The following EIF2AK1 variants were observed in gnomAD, a reference collection of about 807,000 sequenced individuals.
The protein encoded by EIF2AK1 is eukaryotic translation initiation factor 2 alpha kinase 1, also known as eukaryotic translation initiation factor 2-alpha kinase 1.
EIF2AK1 carries 54 observed loss-of-function variants against 77.9 expected under a neutral mutation model. The observed-to-expected ratio is 0.69, with a 90% CI of 0.56 to 0.87. The LOEUF (loss-of-function observed/expected upper bound fraction) is 0.87. Ranked by LOEUF, EIF2AK1 falls within the 40% of genes least tolerant of loss-of-function variation. The pLI, the probability that EIF2AK1 is intolerant of heterozygous loss-of-function variation, is 0.00. For missense variants in EIF2AK1, 810 were observed against 768.6 expected, an observed-to-expected ratio of 1.05 and a Z score of -0.64; for synonymous variants, 314 against 290.5, an observed-to-expected ratio of 1.08 and a Z score of -0.82.
chr7:6,038,790 T>C (rs1190076982), intron 9 of EIF2AK1, 119 bp from the exon 10 acceptor site: 7 of 758,996 alleles, frequency 9.2e-6, no homozygotes, highest in African/African-American at 1.8e-5. Context: ...AGGGAAGTCA[T>C]TAAACCTGTG....
chr7:6,035,587 GTGCGCA>G lies in EIF2AK1; in HGVS notation c.1332+1831_1332+1836del. 5 of 1,551,118 alleles carry G rather than the reference GTGCGCA, an allele frequency of 3.2e-6. No individual in the cohort carries two copies. The highest frequency in any genetic ancestry group is 4.4e-6 in the Non-Finnish European group (5 of 1,147,112). On this transcript the variant is annotated intron_variant, in intron 11 of 14. Transcript: ENST00000199389. The surrounding 1 kb of genome is among the most constrained non-coding windows in gnomAD (Gnocchi z 5.5). Reference sequence around the variant, plus strand: ...AGCATCACATGTCTCCGCATCTTGTGTGCGCACGGAGCTCAAGTGAACACTCAAGGG... The same window carrying G: ...AGCATCACATGTCTCCGCATCTTGTGCGGAGCTCAAGTGAACACTCAAGGG...
rs1011221783 is a variant in EIF2AK1, at chr7:6,035,828, C to G, written c.1332+1596G>C. 1.9e-5 allele frequency: 29 copies of G among 1,549,164 alleles called. No individual in the cohort carries two copies. The Admixed American group carries it at 5.7e-4, about 30-fold the overall frequency. The stretch of plus-strand genomic sequence containing the variant: ...CAAACGTCAACTGTGCTGTCTCTTC[C>G]ACGGGGAACACGCCCCTGAAGCTTG... On this transcript the variant is annotated intron_variant, in intron 11 of 14. Transcript: ENST00000199389. This position sits in a 1 kb window ranked among gnomAD's most constrained non-coding sequence, Gnocchi z 5.5.
rs531357401 is a variant in EIF2AK1 at position 6,032,283 on chromosome 7, CA to C, written c.1333-3252del. Among the ~76,000 whole-genome samples, 1 of 152,288 alleles carries C rather than the reference CA, an allele frequency of 6.6e-6. No homozygotes were observed. Among genetic ancestry groups the C allele is most frequent in the South Asian group, 2.1e-4 (1 of 4,832 alleles). On this transcript the variant is annotated intron_variant, in intron 11 of 14. Coordinates refer to ENST00000199389, the MANE Select transcript of EIF2AK1 (RefSeq NM_014413.4). This position sits in a 1 kb window ranked among gnomAD's most constrained non-coding sequence, Gnocchi z 4.3. ...TTACAATTAAATTCAAAAAGGAAGTCACCCTCCCTTGTACCCTACTGTCTTA... is the reference window on the plus strand; with the variant it reads ...TTACAATTAAATTCAAAAAGGAAGTCCCCTCCCTTGTACCCTACTGTCTTA...
intron 11 of EIF2AK1, chr7:6,031,731 C>T: frequency 1.2e-6 from 1 of 818,598 alleles, no homozygotes; most frequent in South Asian, 1.7e-5. Flanking sequence ...ACACACACTG[C>T]AGTGCTCCCC....
At chr7:6,055,982 CAAAAAA>C (rs755531680) in intron 1 of EIF2AK1, among the ~76,000 whole-genome samples, 1 of 23,984 alleles carries the variant, frequency 4.2e-5, no homozygotes, top group Non-Finnish European at 6.8e-5. Flanking sequence ...AACTCTGTCT[CAAAAAA>C]AAAAAAAAAA....
Position 6,033,151 on chromosome 7 carries a change from T to C in EIF2AK1, c.1333-4119A>G, listed in dbSNP as rs1381402235. ...GCCCAGCTAACATTTGTATTTTTAG[T>C]AGAGACAGGGTTTCACCATGTTGGC... On this transcript the variant is annotated intron_variant, in intron 11 of 14. Transcript: ENST00000199389. The surrounding 1 kb of genome is among the most constrained non-coding windows in gnomAD (Gnocchi z 4.4). Among the ~76,000 whole-genome samples, 1 of 152,102 alleles carries C rather than the reference T, an allele frequency of 6.6e-6. No individual in the cohort carries two copies. Among genetic ancestry groups the C allele is most frequent in the Non-Finnish European group, 1.5e-5 (1 of 68,008 alleles).
At position 6,032,953 on chromosome 7, in the gene EIF2AK1, G is replaced by A. The variant is rs973235831; in HGVS notation, c.1333-3921C>T. On this transcript the variant is annotated intron_variant, in intron 11 of 14. Coordinates refer to ENST00000199389, the MANE Select transcript of EIF2AK1 (RefSeq NM_014413.4). This position sits in a 1 kb window ranked among gnomAD's most constrained non-coding sequence, Gnocchi z 4.3. ...AGAAGTCAGGTAAGTTAACTCCACC[G>A]AAAATCATTTCTTTTTTTTTCTTTT... 66 of 1,539,678 alleles carry A rather than the reference G, an allele frequency of 4.3e-5. No individual in the cohort carries two copies. The highest frequency in any genetic ancestry group is 5.3e-5 in the Non-Finnish European group (60 of 1,137,970).
chr7:6,024,272 G>A lies in EIF2AK1; in HGVS notation c.*401C>T, dbSNP rs1167125257. 14 of 1,210,546 alleles carry A rather than the reference G, an allele frequency of 1.2e-5. No homozygotes were observed. Among genetic ancestry groups the A allele is most frequent in the Non-Finnish European group, 1.4e-5 (13 of 956,502 alleles). 75.0% of individuals were successfully genotyped at this position (1,210,546 alleles called of 1,614,324 possible). A position where few individuals can be genotyped will look rare whatever the true frequency, so the allele number is the denominator to read the frequency against. ...TGAACTTCAGCTGCAGTGTGAAAGGGGCAGGAAGACTGGCAGCTGTCAAAA... is the reference window on the plus strand; with the variant it reads ...TGAACTTCAGCTGCAGTGTGAAAGGAGCAGGAAGACTGGCAGCTGTCAAAA... On this transcript the variant is annotated 3_prime_UTR_variant, in exon 15 of 15. Coordinates refer to ENST00000199389, the MANE Select transcript of EIF2AK1 (RefSeq NM_014413.4).
At chr7:6,047,722 AAGAC>A (rs1013273210) in intron 4 of EIF2AK1, 11 of 158,050 alleles carry the variant, frequency 7.0e-5, no homozygotes, top group Admixed American at 5.1e-4. Context: ...TTTTTCTTCT[AAGAC>A]AGGGTCTTGC....
Position 6,035,657 on chromosome 7 carries a change from A to C in EIF2AK1, c.1332+1767T>G, listed in dbSNP as rs1289985798. 1.3e-6 allele frequency: 2 copies of C among 1,550,740 alleles called. No homozygotes were observed. The highest frequency in any genetic ancestry group is 2.4e-5 in the South Asian group (2 of 84,066). On this transcript the variant is annotated intron_variant, in intron 11 of 14. Coordinates refer to ENST00000199389, the MANE Select transcript of EIF2AK1 (RefSeq NM_014413.4). The surrounding 1 kb of genome is among the most constrained non-coding windows in gnomAD (Gnocchi z 5.5). ...AACGTTCACCACTCCACCTGGCCATAGCATATGGTTGCTATCCAGTTCTCT... is the reference window on the plus strand; with the variant it reads ...AACGTTCACCACTCCACCTGGCCATCGCATATGGTTGCTATCCAGTTCTCT...
intron 6 of EIF2AK1, among the ~76,000 whole-genome samples, chr7:6,045,336 C>A (rs980294358): frequency 1.3e-5 from 2 of 152,152 alleles, no homozygotes; most frequent in East Asian, 1.9e-4. Context: ...ACACTCCTGG[C>A]CTCAAGTGAT....
At position 6,022,422 on chromosome 7, in the gene EIF2AK1, C is replaced by T. The variant is rs1787491894; in HGVS notation, c.*2251G>A. The T allele has an allele frequency of 6.6e-6, 1 of 152,070 alleles. No homozygotes were observed. The highest frequency in any genetic ancestry group is 6.6e-5 in the Admixed American group (1 of 15,264). The allele number at this position is 152,070 out of a possible 1,614,324, so 9.4% of individuals were successfully genotyped here. On this transcript the variant is annotated 3_prime_UTR_variant, in exon 15 of 15. Transcript: ENST00000199389. Reference sequence around the variant, plus strand: ...TGTGGATTTTCGACTGCACAGCAGTCGGGGGTCAGTGTCCCTAACCCCCCC... The same window carrying T: ...TGTGGATTTTCGACTGCACAGCAGTTGGGGGTCAGTGTCCCTAACCCCCCC...
chr7:6,023,758 A>AAGGGGAC lies in EIF2AK1; in HGVS notation c.*908_*914dup, dbSNP rs1283801294. 6.2e-7 allele frequency: 1 copy of AAGGGGAC among 1,611,448 alleles called. No individual in the cohort carries two copies. The highest frequency in any genetic ancestry group is 8.5e-7 in the Non-Finnish European group (1 of 1,178,432). On this transcript the variant is annotated 3_prime_UTR_variant, in exon 15 of 15. Transcript: ENST00000199389. ...GTGCTCTTTCATGCCTATTATCAGT[A>AAGGGGAC]AGGGGACTTGTATTAGAGTCAGAGT...
Position 6,041,839 on chromosome 7 carries a change from T to TAA in EIF2AK1, c.792-622_792-621dup, listed in dbSNP as rs35008838. Among the ~76,000 whole-genome samples, 504 of 130,746 alleles carry TAA rather than the reference T, an allele frequency of 3.9e-3. 3 individuals are homozygous for TAA. The highest frequency in any genetic ancestry group is 5.4e-3 in the Non-Finnish European group (336 of 62,262). The allele number at this position is 130,746 out of a possible 152,430, so 85.8% of individuals were successfully genotyped here. ...CTGGCCAACAGAGTGAGACTCCATCTAAAAAAAAAAAAAAAAGCCAATGTA... is the reference window on the plus strand; with the variant it reads ...CTGGCCAACAGAGTGAGACTCCATCTAAAAAAAAAAAAAAAAAAGCCAATGTA... On this transcript the variant is annotated intron_variant, in intron 8 of 14. Transcript: ENST00000199389.
intron 11 of EIF2AK1, among the ~76,000 whole-genome samples, chr7:6,034,585 G>T (rs982944156): frequency 1.3e-5 from 2 of 152,138 alleles, no homozygotes; most frequent in Admixed American, 6.6e-5. Flanking sequence ...ACTGTTTCAC[G>T]TCTATCTTCC....
chr7:6,041,359 T>TA, intron 8 of EIF2AK1, 140 bp from the exon 9 acceptor site: 1 of 841,264 alleles, frequency 1.2e-6, no homozygotes, highest in Admixed American at 2.9e-5. Flanking sequence ...CCCAACATGG[T>TA]AAAACCCCAT....
chr7:6,023,884 G>C lies in EIF2AK1; in HGVS notation c.*789C>G. On this transcript the variant is annotated 3_prime_UTR_variant, in exon 15 of 15. Transcript: ENST00000199389. Reference sequence around the variant, plus strand: ...AGCAAAATCATACGCCATCTACCGTGATGACTGCCAACTCCATGGCAGACC... The same window carrying C: ...AGCAAAATCATACGCCATCTACCGTCATGACTGCCAACTCCATGGCAGACC... The C allele has an allele frequency of 6.6e-7, 1 of 1,523,360 alleles. No individual in the cohort carries two copies. Among genetic ancestry groups the C allele is most frequent in the South Asian group, 1.2e-5 (1 of 83,060 alleles). The allele number at this position is 1,523,360 out of a possible 1,614,324, so 94.4% of individuals were successfully genotyped here.
In EIF2AK1 at chr7:6,036,497, G is replaced by A; in HGVS notation, c.1332+927C>T. The A allele has an allele frequency of 1.6e-6, 1 of 622,714 alleles. No homozygotes were observed. The highest frequency in any genetic ancestry group is 1.8e-5 in the African/African-American group (1 of 54,366). The allele number at this position is 622,714 out of a possible 1,614,324, so 38.6% of individuals were successfully genotyped here. A position where few individuals can be genotyped will look rare whatever the true frequency, so the allele number is the denominator to read the frequency against. On this transcript the variant is annotated intron_variant, in intron 11 of 14. Coordinates refer to ENST00000199389, the MANE Select transcript of EIF2AK1 (RefSeq NM_014413.4). This position sits in a 1 kb window ranked among gnomAD's most constrained non-coding sequence, Gnocchi z 4.6. ...ACCTATCACCTGTGACATCCCAAAT[G>A]TACAAACTACTGATTCTTGAACATG...
Position 6,032,825 on chromosome 7 carries a change from T to G in EIF2AK1, c.1333-3793A>C, listed in dbSNP as rs778447963. ...ACAGGGCCACTTGTAATGTGTTTTGTTTTCCCTCCAAAGCCGACAGAGTCT... is the reference window on the plus strand; with the variant it reads ...ACAGGGCCACTTGTAATGTGTTTTGGTTTCCCTCCAAAGCCGACAGAGTCT... On this transcript the variant is annotated intron_variant, in intron 11 of 14. Coordinates refer to ENST00000199389, the MANE Select transcript of EIF2AK1 (RefSeq NM_014413.4). The surrounding 1 kb of genome is among the most constrained non-coding windows in gnomAD (Gnocchi z 4.3). 5.2e-5 allele frequency: 81 copies of G among 1,547,748 alleles called. No individual in the cohort carries two copies. The highest frequency in any genetic ancestry group is 7.9e-5 in the Admixed American group (4 of 50,940).
Sources: allele counts gnomAD v4.1 joint callset (sites outside exome capture counted in the v4.1 genomes callset), GRCh38; gene constraint gnomAD v4.1.1; non-coding constraint Gnocchi (gnomAD v3.1); transcripts MANE v1.5; gene names NCBI Gene and HGNC (gene_info 2026-07-23, HGNC 2026-07-21).